Variants in PLD1 observed in about 807,000 individuals in gnomAD.
PLD1 encodes choline phosphatase 1.
A neutral mutation model predicts 137.1 loss-of-function variants in PLD1; 112 were observed. That is an observed-to-expected ratio of 0.82 (90% CI 0.70 to 0.96). The LOEUF (loss-of-function observed/expected upper bound fraction) is 0.96, where lower values mean the gene tolerates loss of function less well. PLD1 is among the 40% of genes least tolerant of loss of function. The pLI is 0.00. For synonymous variants in PLD1, 431 were observed against 454.7 expected (o/e 0.95, Z 0.66); for missense variants, 1,321 against 1,342.0 (o/e 0.98, Z 0.24).
At chr3:171,750,619 G>A (rs1328977211) in intron 1 of PLD1, among the ~76,000 whole-genome samples, 1 of 152,074 alleles carries the variant, frequency 6.6e-6, no homozygotes, top group Non-Finnish European at 1.5e-5. Flanking sequence ...CTGCTGTCAT[G>A]TAAAGAAAAA....
At chr3:171,700,458 G>A (rs1716151266) in intron 11 of PLD1, among the ~76,000 whole-genome samples, 1 of 152,162 alleles carries the variant, frequency 6.6e-6, no homozygotes, top group Admixed American at 6.6e-5. Context: ...GATGTTGTAT[G>A]GGAGTATGAT....
Position 171,737,576 on chromosome 3 carries a change from T to G in PLD1, c.244A>C (p.Lys82Gln). The change falls in exon 3 of 27, where the codon AAA becomes CAA. Residue 82 changes from lysine (K) to glutamine (Q), a missense_variant. Lys to Gln is a moderately conservative substitution (Grantham distance 53). Coordinates refer to ENST00000351298, the MANE Select transcript of PLD1 (RefSeq NM_002662.5). ...CGTTCCACTTCCAGAACTTGTGCTTTTATTGGACAGCCGGAGAGATACGTC... is the reference window on the plus strand; with the variant it reads ...CGTTCCACTTCCAGAACTTGTGCTTGTATTGGACAGCCGGAGAGATACGTC... ...IQTYLSGCPIKAQVLEVERFT... is the reference protein window; with the variant it reads ...IQTYLSGCPIQAQVLEVERFT... 6 of 1,613,178 alleles carry G rather than the reference T, an allele frequency of 3.7e-6. No homozygotes were observed. The highest frequency in any genetic ancestry group is 5.1e-6 in the Non-Finnish European group (6 of 1,179,680).
chr3:171,756,314 G>A (rs1241677598), intron 1 of PLD1, among the ~76,000 whole-genome samples: 2 of 152,094 alleles, frequency 1.3e-5, no homozygotes, highest in Non-Finnish European at 2.9e-5. Context: ...ACTTTTACTT[G>A]GTTATTTTTA....
intron 25 of PLD1, among the ~76,000 whole-genome samples, chr3:171,609,854 A>C (rs1732517400): frequency 6.6e-6 from 1 of 152,172 alleles, no homozygotes; most frequent in Non-Finnish European, 1.5e-5. Context: ...ACCCCTACAC[A>C]ATGTATCCAG....
chr3:171,672,534 C>T (rs1159272248), intron 19 of PLD1, among the ~76,000 whole-genome samples: 1 of 150,878 alleles, frequency 6.6e-6, no homozygotes, highest in African/African-American at 2.4e-5. Context: ...GTTGCCCAGG[C>T]TGGAATGCAG....
intron 1 of PLD1, among the ~76,000 whole-genome samples, chr3:171,765,787 C>T (rs538621477): frequency 1.5e-3 from 231 of 152,340 alleles, no homozygotes; most frequent in African/African-American, 5.1e-3. Context: ...TTGTCCCTTT[C>T]ATCACATCAT....
chr3:171,656,166 T>G (rs1737181720), intron 21 of PLD1, among the ~76,000 whole-genome samples: 1 of 150,662 alleles, frequency 6.6e-6, no homozygotes, highest in Non-Finnish European at 1.5e-5. Flanking sequence ...TTTTATTTAT[T>G]TATTTATTTA....
At chr3:171,800,754 C>A (rs893131922) in intron 1 of PLD1, among the ~76,000 whole-genome samples, 2 of 152,148 alleles carry the variant, frequency 1.3e-5, no homozygotes, top group Non-Finnish European at 2.9e-5. Context: ...AGTCCAAGAT[C>A]AAGGTGCTTG....
At chr3:171,642,457 CAAAAAAAAAA>C (rs1230947984) in intron 23 of PLD1, among the ~76,000 whole-genome samples, 4 of 33,028 alleles carry the variant, frequency 1.2e-4, no homozygotes, top group African/African-American at 2.4e-4. Flanking sequence ...AACCCAGTCT[CAAAAAAAAAA>C]AAAAAAAAAA....
chr3:171,719,499 C>G (rs1422848375), intron 8 of PLD1, among the ~76,000 whole-genome samples: 1 of 152,110 alleles, frequency 6.6e-6, no homozygotes, highest in Non-Finnish European at 1.5e-5. Context: ...GAATGGATTC[C>G]AGAGAGTAAA....
At chr3:171,658,082 G>T (rs1225470979) in intron 21 of PLD1, among the ~76,000 whole-genome samples, 1 of 151,978 alleles carries the variant, frequency 6.6e-6, no homozygotes, top group African/African-American at 2.4e-5. Flanking sequence ...AGTCATTAGA[G>T]AAATTCAAAT....
At chr3:171,735,391 C>T in intron 4 of PLD1, 101 bp downstream of exon 4, 2 of 964,334 alleles carry the variant, frequency 2.1e-6, no homozygotes, top group Non-Finnish European at 3.3e-6. Context: ...CTGCCTCAGC[C>T]TCCCAAAGTG....
intron 8 of PLD1, among the ~76,000 whole-genome samples, chr3:171,718,901 A>G (rs1214430737): frequency 6.6e-6 from 1 of 152,198 alleles, no homozygotes; most frequent in Non-Finnish European, 1.5e-5. Context: ...GAACTATTAT[A>G]ACTAATCTTG....
intron 1 of PLD1, chr3:171,793,656 C>T (rs1723309389): frequency 6.6e-6 from 1 of 152,146 alleles, no homozygotes; most frequent in African/African-American, 2.4e-5. Context: ...TTAATCTGAT[C>T]ACAGAGATGG....
At chr3:171,783,572 T>C (rs1157575139) in intron 1 of PLD1, among the ~76,000 whole-genome samples, 1 of 152,176 alleles carries the variant, frequency 6.6e-6, no homozygotes. Context: ...GATTTAAATC[T>C]AAATGTTTGA....
At chr3:171,683,808 T>C (rs955920228) in intron 16 of PLD1, among the ~76,000 whole-genome samples, 1 of 152,238 alleles carries the variant, frequency 6.6e-6, no homozygotes, top group East Asian at 1.9e-4. Context: ...CCCAGAATAG[T>C]GATTGGCATA....
intron 24 of PLD1, among the ~76,000 whole-genome samples, chr3:171,619,663 T>TATA: frequency 6.6e-6 from 1 of 152,204 alleles, no homozygotes; most frequent in Non-Finnish European, 1.5e-5. Context: ...TTCAGATCTG[T>TATA]GGTAATGGTT....
chr3:171,725,960 TAAGTGTG>T, intron 7 of PLD1, 51 bp downstream of exon 7: 1 of 1,146,942 alleles, frequency 8.7e-7, no homozygotes. Context: ...GCTGCTACGT[TAAGTGTG>T]AATGCAAATC....
intron 24 of PLD1, among the ~76,000 whole-genome samples, chr3:171,615,772 A>G (rs1354263552): frequency 6.6e-6 from 1 of 151,994 alleles, no homozygotes; most frequent in Non-Finnish European, 1.5e-5. Context: ...CTATTGATGG[A>G]TGTTTGGGTT....
Sources: gnomAD v4.1 joint callset for allele counts (sites outside exome capture counted in the v4.1 genomes callset) on GRCh38, gnomAD v4.1.1 for gene constraint, MANE v1.5 for transcripts, NCBI Gene and HGNC (gene_info 2026-07-23, HGNC 2026-07-21) for gene names.